The following SLC43A3 variants were observed in gnomAD, a reference collection of about 807,000 sequenced individuals.
SLC43A3 encodes the protein equilibrative nucleobase transporter 1.
In SLC43A3, 33 loss-of-function variants were observed where a neutral mutation model predicts 53.3. That is an observed-to-expected ratio of 0.62 (90% confidence interval 0.47 to 0.83). The LOEUF (loss-of-function observed/expected upper bound fraction) is 0.83. Ranked by LOEUF, SLC43A3 falls within the 40% of genes least tolerant of loss-of-function variation. The pLI is 0.00. For missense variants in SLC43A3, 530 were observed against 610.0 expected (o/e 0.87, Z 1.38); for synonymous variants, 236 against 246.2 (o/e 0.96, Z 0.39).
chr11:57,416,434 G>A (rs1409884560), intron 9 of SLC43A3, 139 bp downstream of exon 9: 6 of 644,112 alleles, frequency 9.3e-6, no homozygotes, highest in Non-Finnish European at 1.7e-5. Context: ...GAGAGGGTTG[G>A]GAAGATGCCT....
chr11:57,414,942 T>C lies in SLC43A3; in HGVS notation c.934A>G (p.Met312Val). 1.2e-6 allele frequency: 2 copies of C among 1,612,736 alleles called. No homozygotes were observed. Among genetic ancestry groups the C allele is most frequent in the Middle Eastern group, 1.6e-4 (1 of 6,062 alleles). Residue 312 changes from methionine (M) to valine (V), a missense_variant, in exon 10 of 14, where the codon ATG becomes GTG. This residue lies in a region of SLC43A3 where 376 missense variants were observed against 386.7 expected (regional missense o/e 0.97). Transcript: ENST00000395124. ...SLLTNMAGGD[M>V]ARVSTYTNAF... ...CAGCCCTACCACATACCTCGTGCCA[T>C]GTCCCCACCGGCCATGTTGGTCAGC... is the stretch of plus-strand genomic sequence containing the variant.
intron 13 of SLC43A3, 42 bp downstream of exon 13, chr11:57,409,133 C>T: frequency 6.2e-7 from 1 of 1,612,480 alleles, no homozygotes; most frequent in Non-Finnish European, 8.5e-7. Context: ...AGGCCTAAGG[C>T]CCAGGCCTCC....
At position 57,426,077 on chromosome 11, in the gene SLC43A3, T is replaced by TGAAGGCCAGCCAAAGA; in HGVS notation, c.80_95dup (p.Val34TrpfsTer12). ...CTTCATTCTTGAAGACAAACACTAGTGAAGGCCAGCCAAAGAGGACGCCAG... is the reference window on the plus strand; with the variant it reads ...CTTCATTCTTGAAGACAAACACTAGTGAAGGCCAGCCAAAGAGAAGGCCAGCCAAAGAGGACGCCAG... On this transcript the variant is annotated frameshift_variant, in exon 3 of 14. Transcript: ENST00000395124. LOFTEE classifies it high-confidence loss of function. The TGAAGGCCAGCCAAAGA allele has an allele frequency of 2.5e-6, 4 of 1,614,216 alleles. No individual in the cohort carries two copies. The highest frequency in any genetic ancestry group is 8.5e-7 in the Non-Finnish European group (1 of 1,180,038).
chr11:57,424,095 T>C, intron 4 of SLC43A3, 67 bp from the exon 5 acceptor site: 3 of 1,496,786 alleles, frequency 2.0e-6, no homozygotes, highest in East Asian at 2.3e-5. Context: ...AAAAACATGA[T>C]TCTGCTCAGC....
At chr11:57,410,183 G>A (rs2134505439) in intron 11 of SLC43A3, 62 bp from the exon 12 acceptor site, 2 of 1,345,446 alleles carry the variant, frequency 1.5e-6, no homozygotes, top group Non-Finnish European at 2.0e-6. Context: ...GTCAGCGAAG[G>A]GCCAAGGAAG....
At chr11:57,417,698 C>T (rs779782532) in intron 8 of SLC43A3, 50 bp downstream of exon 8, 6 of 1,610,380 alleles carry the variant, frequency 3.7e-6, no homozygotes, top group South Asian at 2.2e-5. Flanking sequence ...GTCCATCCCA[C>T]CCTAGGGCCA....
chr11:57,409,583 A>G (rs1343475706), intron 12 of SLC43A3, among the ~76,000 whole-genome samples: 1 of 152,224 alleles, frequency 6.6e-6, no homozygotes, highest in African/African-American at 2.4e-5. Flanking sequence ...ATGCCAGACA[A>G]TGCACGCACT....
At chr11:57,423,338 T>C (rs1022130285) in intron 5 of SLC43A3, among the ~76,000 whole-genome samples, 4 of 152,230 alleles carry the variant, frequency 2.6e-5, no homozygotes, top group African/African-American at 4.8e-5. Context: ...AAAATGGTCA[T>C]TCATATAATC....
intron 11 of SLC43A3, among the ~76,000 whole-genome samples, chr11:57,413,684 G>C (rs1423258256): frequency 6.6e-6 from 1 of 152,086 alleles, no homozygotes; most frequent in Admixed American, 6.5e-5. Flanking sequence ...CAGGTCCAAG[G>C]ATCAGGCCAA....
chr11:57,425,563 T>G lies in SLC43A3; in HGVS notation c.292A>C (p.Thr98Pro). 6.2e-7 allele frequency: 1 copy of G among 1,613,990 alleles called. No homozygotes were observed. Among genetic ancestry groups the G allele is most frequent in the Non-Finnish European group, 8.5e-7 (1 of 1,179,982 alleles). The change falls in exon 4 of 14, where the codon ACC (threonine) becomes CCC (proline). Residue 98 changes from threonine to proline, a missense_variant. Coordinates refer to ENST00000395124, the MANE Select transcript of SLC43A3 (RefSeq NM_199329.3). ...TGYIFDRFKT[T>P]VARLIAIFFY... Reference sequence around the variant, plus strand: ...TACATGGCTATGAGGCGTGCCACGGTGGTCTTGAACCGGTCAAAGATGTAG... The same window carrying G: ...TACATGGCTATGAGGCGTGCCACGGGGGTCTTGAACCGGTCAAAGATGTAG...
In SLC43A3 at chr11:57,421,335, T is replaced by G. The variant is rs200223459; in HGVS notation, c.400A>C (p.Thr134Pro). ...VLLFLAMPML[T>P]IGGILFLITN... ...ATGAGAAACAGGATTCCCCCAATGGTGAGCATTGGCATGGCCAGGAAGAGC... is the reference window on the plus strand; with the variant it reads ...ATGAGAAACAGGATTCCCCCAATGGGGAGCATTGGCATGGCCAGGAAGAGC... Residue 134 changes from threonine to proline, a missense_variant, in exon 6 of 14, where the codon ACC becomes CCC. Physicochemically the swap from Thr to Pro is conservative, Grantham distance 38. Coordinates refer to ENST00000395124, the MANE Select transcript of SLC43A3 (RefSeq NM_199329.3). The G allele has an allele frequency of 3.7e-5, 59 of 1,613,940 alleles. No individual in the cohort carries two copies. The highest frequency in any genetic ancestry group is 4.8e-5 in the Non-Finnish European group (57 of 1,179,968).
At chr11:57,414,197 T>C (rs1171487833) in intron 11 of SLC43A3, among the ~76,000 whole-genome samples, 3 of 152,140 alleles carry the variant, frequency 2.0e-5, no homozygotes, top group Non-Finnish European at 4.4e-5. Context: ...AATGAATGAG[T>C]GCAACTAGAC....
In SLC43A3 at chr11:57,417,768, C is replaced by T. The variant is rs935004798; in HGVS notation, c.651G>A (p.Leu217=). The change falls in exon 8 of 14, where the codon CTG becomes CTA. Residue 217 remains leucine (L), a synonymous_variant. Coordinates refer to ENST00000395124, the MANE Select transcript of SLC43A3 (RefSeq NM_199329.3). ...CTTACCCATAGCTGTAGTTGGGGGG[C>T]AGTGGGTATGGGATGTGCCCCCGGG... ...LMPRGHIPYP[L]PPNYSYGLCP... 1.2e-6 allele frequency: 2 copies of T among 1,614,098 alleles called. No homozygotes were observed. Among genetic ancestry groups the T allele is most frequent in the Non-Finnish European group, 1.7e-6 (2 of 1,179,994 alleles).
intron 5 of SLC43A3, among the ~76,000 whole-genome samples, chr11:57,423,327 C>A: frequency 6.6e-6 from 1 of 152,144 alleles, no homozygotes; most frequent in Non-Finnish European, 1.5e-5. Context: ...AGGATATTTG[C>A]AAAATGGTCA....
intron 11 of SLC43A3, among the ~76,000 whole-genome samples, chr11:57,410,657 T>C (rs967908326): frequency 1.3e-5 from 2 of 151,332 alleles, no homozygotes; most frequent in Non-Finnish European, 2.9e-5. Context: ...CTCTGCAGAA[T>C]AGTGTATACA....
chr11:57,410,825 C>T (rs549686028), intron 11 of SLC43A3, among the ~76,000 whole-genome samples: 1 of 152,266 alleles, frequency 6.6e-6, no homozygotes, highest in African/African-American at 2.4e-5. Flanking sequence ...GCCAGTCTTT[C>T]CCACGCTATT....
Position 57,410,091 on chromosome 11 carries a change from G to A in SLC43A3, c.1091C>T (p.Ser364Leu), listed in dbSNP as rs1376760859. ...TGTCAGGGCCAGCGAAGGCACCGTC[G>A]AGCAGAGGGCCACCGCCAAAGTGGA... Reference protein sequence around the residue: ...GSSTLAVALCSTVPSLALTSL... With the variant: ...GSSTLAVALCLTVPSLALTSL... Residue 364 changes from serine to leucine, a missense_variant, in exon 12 of 14, where the codon TCG becomes TTG. This residue lies in a region of SLC43A3 where 124 missense variants were observed against 166.4 expected (regional missense o/e 0.75). Transcript: ENST00000395124. 3.1e-6 allele frequency: 5 copies of A among 1,608,184 alleles called. No individual in the cohort carries two copies. The highest frequency in any genetic ancestry group is 1.3e-5 in the African/African-American group (1 of 74,854).
chr11:57,408,025 C>T (rs1484219440), intron 13 of SLC43A3, 129 bp from the exon 14 acceptor site: 2 of 633,214 alleles, frequency 3.2e-6, no homozygotes, highest in Non-Finnish European at 5.6e-6. Context: ...TTATATTCTA[C>T]TTTTCACCCA....
At chr11:57,421,508 T>A (rs1275943750) in intron 5 of SLC43A3, 135 bp from the exon 6 acceptor site, 3 of 657,096 alleles carry the variant, frequency 4.6e-6, no homozygotes, top group Non-Finnish European at 5.4e-6. Context: ...CGTTCCAGCG[T>A]CCTTCAAGGG....
Sources: allele counts gnomAD v4.1 joint callset (sites outside exome capture counted in the v4.1 genomes callset), GRCh38; gene constraint gnomAD v4.1.1; regional missense constraint gnomAD v4.1.1; transcripts MANE v1.5; gene names NCBI Gene and HGNC (gene_info 2026-07-23, HGNC 2026-07-21).